Variants in PPP1R16B observed in about 807,000 individuals in gnomAD.
PPP1R16B encodes the protein protein phosphatase 1 regulatory subunit 16B, also known as protein phosphatase 1 regulatory inhibitor subunit 16B.
In PPP1R16B, 14 loss-of-function variants were observed where a neutral mutation model predicts 61.7. The ratio of observed to expected loss-of-function variants is 0.23; its 90% CI spans 0.15 to 0.35. The LOEUF (loss-of-function observed/expected upper bound fraction) is 0.35. PPP1R16B is among the 10% of genes least tolerant of loss of function. The pLI is 1.00. For synonymous variants in PPP1R16B, 266 were observed against 305.3 expected (o/e 0.87, Z 1.34); for missense variants, 547 against 752.5 (o/e 0.73, Z 3.19).
At chr20:38,857,295 C>T (rs1254424813) in intron 2 of PPP1R16B, among the ~76,000 whole-genome samples, 1 of 152,176 alleles carries the variant, frequency 6.6e-6, no homozygotes, top group Non-Finnish European at 1.5e-5. Flanking sequence ...GGGACAGATG[C>T]CATGTCAAGG....
At chr20:38,911,851 G>A (rs1304484810) in intron 10 of PPP1R16B, among the ~76,000 whole-genome samples, 4 of 152,094 alleles carry the variant, frequency 2.6e-5, no homozygotes, top group African/African-American at 9.7e-5. Flanking sequence ...TTCTCCTTTT[G>A]GTGGACATTT....
In PPP1R16B at chr20:38,902,724, G is replaced by A. The variant is rs745855682; in HGVS notation, c.628G>A (p.Ala210Thr). The change falls in exon 6 of 11, where the codon GCG (alanine) becomes ACG (threonine). Residue 210 changes from alanine (A) to threonine (T), a missense_variant. By Grantham distance (58) the Ala-to-Thr change is moderately conservative (BLOSUM62 0). Coordinates refer to ENST00000299824, the MANE Select transcript of PPP1R16B (RefSeq NM_015568.4). ...MRVAPEQQMIADIHCMIAAGQ... is the reference protein window; with the variant it reads ...MRVAPEQQMITDIHCMIAAGQ... Reference sequence around the variant, plus strand: ...GGTGGCTCCTGAGCAGCAGATGATTGCGGACATCCACTGCATGATCGCAGC... The same window carrying A: ...GGTGGCTCCTGAGCAGCAGATGATTACGGACATCCACTGCATGATCGCAGC... 1.9e-6 allele frequency: 3 copies of A among 1,614,126 alleles called. No homozygotes were observed. Among genetic ancestry groups the A allele is most frequent in the Non-Finnish European group, 2.5e-6 (3 of 1,180,050 alleles).
At chr20:38,917,231 G>A (rs1489735334) in intron 10 of PPP1R16B, among the ~76,000 whole-genome samples, 17 of 151,722 alleles carry the variant, frequency 1.1e-4, no homozygotes, top group Admixed American at 1.1e-3. Context: ...GGGAGGCAGA[G>A]GTTGCGGTGA....
At chr20:38,903,519 ATTGG>A (rs1348549808) in intron 6 of PPP1R16B, among the ~76,000 whole-genome samples, 2 of 151,654 alleles carry the variant, frequency 1.3e-5, no homozygotes, top group African/African-American at 4.8e-5. Flanking sequence ...CCATTCATCC[ATTGG>A]TCCATCCAAC....
At chr20:38,892,955 G>A (rs1015872901) in intron 3 of PPP1R16B, among the ~76,000 whole-genome samples, 1 of 152,150 alleles carries the variant, frequency 6.6e-6, no homozygotes, top group African/African-American at 2.4e-5. Context: ...GGTGCAGGTG[G>A]TGAGACTGAG....
At chr20:38,906,908 G>T (rs1020022843) in intron 7 of PPP1R16B, 71 bp from the exon 8 acceptor site, 3 of 1,319,726 alleles carry the variant, frequency 2.3e-6, no homozygotes, top group Non-Finnish European at 3.3e-6. Context: ...GAGGCCTTGG[G>T]CACTCTCTCC....
At position 38,918,032 on chromosome 20, in the gene PPP1R16B, C is replaced by T. The variant is rs760450532; in HGVS notation, c.1195-125C>T. On this transcript the variant is annotated intron_variant, in intron 10 of 10. Coordinates refer to ENST00000299824, the MANE Select transcript of PPP1R16B (RefSeq NM_015568.4). The surrounding 1 kb of genome is among the most constrained non-coding windows in gnomAD (Gnocchi z 5.3). ...GTTCCCCAAAGGAAAACCCTGGCCC[C>T]GATACCCAGGGAGAGAAAACAGATA... The T allele has an allele frequency of 3.4e-5, 45 of 1,316,296 alleles. No homozygotes were observed. Among genetic ancestry groups the T allele is most frequent in the Non-Finnish European group, 4.1e-5 (39 of 956,588 alleles). The allele number at this position is 1,316,296 out of a possible 1,614,324, so 81.5% of individuals were successfully genotyped here.
At chr20:38,823,172 G>A (rs538208099) in intron 1 of PPP1R16B, among the ~76,000 whole-genome samples, 2 of 152,326 alleles carry the variant, frequency 1.3e-5, no homozygotes, top group South Asian at 2.1e-4. Context: ...GAAGGTCATA[G>A]ATCCAGTACT....
chr20:38,914,677 T>C (rs532546400), intron 10 of PPP1R16B, among the ~76,000 whole-genome samples: 20 of 152,318 alleles, frequency 1.3e-4, no homozygotes, highest in African/African-American at 4.3e-4. Flanking sequence ...TGTTTTCTTT[T>C]GTTGAGACAG....
Position 38,921,648 on chromosome 20 carries a change from T to C in PPP1R16B, c.*2982T>C, listed in dbSNP as rs540889375. ...CATCATCCAGGTCCATCTGGAACTT[T>C]CAGTGATAGCTGCCTTCAGCCAGCA... On this transcript the variant is annotated 3_prime_UTR_variant, in exon 11 of 11. Transcript: ENST00000299824. 6.6e-6 allele frequency: 1 copy of C among 152,368 alleles called. No homozygotes were observed. The highest frequency in any genetic ancestry group is 2.1e-4 in the South Asian group (1 of 4,834). 9.4% of individuals were successfully genotyped at this position (152,368 alleles called of 1,614,324 possible). A position where few individuals can be genotyped will look rare whatever the true frequency, so the allele number is the denominator to read the frequency against.
rs143345462 is a variant in PPP1R16B, at chr20:38,893,089, C to T, written c.322-2476C>T. On this transcript the variant is annotated intron_variant, in intron 3 of 10. Coordinates refer to ENST00000299824, the MANE Select transcript of PPP1R16B (RefSeq NM_015568.4). ...CCATCTATAAAAGGGGCCATTTCCC[C>T]GTCTGTAAAAAGAGCAATCCTCATA... 6.0e-4 allele frequency among the ~76,000 whole-genome samples: 92 copies of T among 152,238 alleles called. 1 individual carries two copies. Among genetic ancestry groups the T allele is most frequent in the African/African-American group, 2.0e-3 (82 of 41,524 alleles).
intron 2 of PPP1R16B, among the ~76,000 whole-genome samples, chr20:38,839,966 T>G (rs540695812): frequency 6.0e-4 from 92 of 152,366 alleles, no homozygotes; most frequent in Non-Finnish European, 1.0e-3. Flanking sequence ...AGAAAAGTGC[T>G]AGACCCCATG....
At chr20:38,902,187 C>G (rs887499014) in intron 5 of PPP1R16B, among the ~76,000 whole-genome samples, 23 of 152,340 alleles carry the variant, frequency 1.5e-4, no homozygotes, top group Non-Finnish European at 2.6e-4. Flanking sequence ...GAAAGTAATA[C>G]ATTCATTCAT....
intron 2 of PPP1R16B, among the ~76,000 whole-genome samples, chr20:38,846,811 C>G (rs6071603): frequency 6.6e-6 from 1 of 150,896 alleles, no homozygotes. Context: ...CAAGACCAGC[C>G]TAGGCAACAT....
At chr20:38,847,482 G>A (rs1026927979) in intron 2 of PPP1R16B, among the ~76,000 whole-genome samples, 7 of 152,018 alleles carry the variant, frequency 4.6e-5, no homozygotes, top group African/African-American at 1.7e-4. Context: ...TCAGCCTCCC[G>A]AGTAGCTAAG....
intron 3 of PPP1R16B, among the ~76,000 whole-genome samples, chr20:38,892,574 A>G (rs1161372684): frequency 6.6e-6 from 1 of 152,134 alleles, no homozygotes; most frequent in African/African-American, 2.4e-5. Flanking sequence ...GGGCCCCAGA[A>G]GTAAGTTAGG....
intron 2 of PPP1R16B, among the ~76,000 whole-genome samples, chr20:38,875,456 G>A (rs192943675): frequency 1.9e-4 from 29 of 152,356 alleles, no homozygotes; most frequent in Non-Finnish European, 3.5e-4. Flanking sequence ...AGCATGCAGG[G>A]AGAGTAGCAG....
At chr20:38,916,491 G>A (rs2145788062) in intron 10 of PPP1R16B, among the ~76,000 whole-genome samples, 1 of 151,398 alleles carries the variant, frequency 6.6e-6, no homozygotes, top group South Asian at 2.1e-4. Flanking sequence ...AGCTTGTGGA[G>A]AATTCCTTCA....
chr20:38,849,326 G>A (rs2084953031), intron 2 of PPP1R16B, among the ~76,000 whole-genome samples: 1 of 152,154 alleles, frequency 6.6e-6, no homozygotes, highest in Non-Finnish European at 1.5e-5. Flanking sequence ...GTTTCAGTAA[G>A]CCTGGAGATC....
Sources: gnomAD v4.1 joint callset for allele counts (sites outside exome capture counted in the v4.1 genomes callset) on GRCh38, gnomAD v4.1.1 for gene constraint, Gnocchi (gnomAD v3.1) non-coding constraint, MANE v1.5 for transcripts, NCBI Gene and HGNC (gene_info 2026-07-23, HGNC 2026-07-21) for gene names.